Variants in HPRT1 observed in about 807,000 individuals in gnomAD.
HPRT1 encodes hypoxanthine phosphoribosyltransferase 1, also known as hypoxanthine-guanine phosphoribosyltransferase.
HPRT1 carries 4 observed loss-of-function variants against 19.0 expected under a neutral mutation model. That is an observed-to-expected ratio of 0.21 (90% CI 0.10 to 0.48). The LOEUF is 0.48. Ranked by LOEUF, HPRT1 falls within the 20% of genes least tolerant of loss-of-function variation. The pLI is 0.98. For missense variants in HPRT1, 65 were observed against 164.0 expected, an observed-to-expected ratio of 0.40 and a Z score of 3.30; for synonymous variants, 53 against 54.9, an observed-to-expected ratio of 0.97 and a Z score of 0.15.
At chrX:134,493,632 A>G (rs1000513891) in intron 6 of HPRT1, 42 bp downstream of exon 6, 1 of 844,271 alleles carries the variant, frequency 1.2e-6, no homozygotes, top group Non-Finnish European at 1.8e-6. Flanking sequence ...CCTCATTTGA[A>G]GGGGGATTAA....
intron 1 of HPRT1, among the ~76,000 whole-genome samples, chrX:134,460,869 C>A (rs766730576): frequency 7.2e-5 from 8 of 111,100 alleles, no homozygotes; most frequent in Admixed American, 6.7e-4. Context: ...CTCATGGCCT[C>A]ATTGAAGCCC....
Position 134,486,444 on chromosome X carries a change from GTTT to G in HPRT1, c.319-9_319-7del. 1.5e-5 allele frequency: 11 copies of G among 719,567 alleles called. No homozygotes were observed. The highest frequency in any genetic ancestry group is 2.9e-5 in the South Asian group (1 of 34,568). The allele number at this position is 719,567 out of a possible 1,213,427, so 59.3% of individuals were successfully genotyped here. ...GTGTGTGTAGATATATATATATATA[GTTT>G]TTTTTTTTTTTAACTAGAATGACCA... On this transcript the variant is annotated intron_variant, in intron 3 of 8. Coordinates refer to ENST00000298556, the MANE Select transcript of HPRT1 (RefSeq NM_000194.3).
intron 1 of HPRT1, among the ~76,000 whole-genome samples, chrX:134,473,077 A>G (rs2077614752): frequency 9.2e-6 from 1 of 108,422 alleles, no homozygotes; most frequent in African/African-American, 3.4e-5. Flanking sequence ...TTTAGTAGAG[A>G]CGGGATTTCA....
chrX:134,500,334 A>T lies in HPRT1; in HGVS notation c.*257A>T. The stretch of plus-strand genomic sequence containing the variant: ...CTTGTAAATGAAAAAATTCTCTTAA[A>T]CCACAGCACTATTGAGTGAAACATT... On this transcript the variant is annotated 3_prime_UTR_variant, in exon 9 of 9. Coordinates refer to ENST00000298556, the MANE Select transcript of HPRT1 (RefSeq NM_000194.3). 2.9e-6 allele frequency: 1 copy of T among 346,100 alleles called. No individual in the cohort carries two copies. Among genetic ancestry groups the T allele is most frequent in the Non-Finnish European group, 5.0e-6 (1 of 199,462 alleles). The allele number at this position is 346,100 out of a possible 1,213,427, so 28.5% of individuals were successfully genotyped here.
intron 1 of HPRT1, 189 bp downstream of exon 1, chrX:134,460,527 G>A: frequency 3.7e-6 from 1 of 271,148 alleles, no homozygotes; most frequent in East Asian, 6.1e-5. Context: ...CGGAATGGCG[G>A]GGTTTGGGGT....
intron 1 of HPRT1, among the ~76,000 whole-genome samples, chrX:134,472,659 TG>T (rs1440417165): frequency 9.0e-6 from 1 of 111,005 alleles, no homozygotes; most frequent in Non-Finnish European, 1.9e-5. Flanking sequence ...CTCTGCCTTC[TG>T]GGTACAAGCG....
At chrX:134,475,773 G>A (rs1455138730) in intron 3 of HPRT1, among the ~76,000 whole-genome samples, 1 of 110,678 alleles carries the variant, frequency 9.0e-6, no homozygotes, top group Non-Finnish European at 1.9e-5. Flanking sequence ...GAGTATTGGC[G>A]AATTGAAGAA....
chrX:134,476,992 AT>A (rs764663605), intron 3 of HPRT1, among the ~76,000 whole-genome samples: 5 of 107,610 alleles, frequency 4.6e-5, no homozygotes, highest in Non-Finnish European at 9.6e-5. Context: ...TAGATATACT[AT>A]TTTTTTGGTA....
At position 134,477,067 on chromosome X, in the gene HPRT1, AT is replaced by A. The variant is rs1250397909; in HGVS notation, c.318+1714del. Among the ~76,000 whole-genome samples the A allele has an allele frequency of 2.7e-4, 23 of 84,231 alleles. 1 individual carries two copies. The South Asian group carries it at 6.9e-3, about 25-fold the overall frequency. The allele number at this position is 84,231 out of a possible 115,157, so 73.1% of individuals were successfully genotyped here. A position where few individuals can be genotyped will look rare whatever the true frequency, so the allele number is the denominator to read the frequency against. On this transcript the variant is annotated intron_variant, in intron 3 of 8. Transcript: ENST00000298556. ...TTATTTTATTTTATTTTATTTATTT[AT>A]TTTTTTTTTTGAGACAGAGTCTCAC...
intron 8 of HPRT1, among the ~76,000 whole-genome samples, chrX:134,499,621 G>A (rs1300277735): frequency 1.8e-5 from 2 of 110,902 alleles, no homozygotes; most frequent in Admixed American, 1.9e-4. Context: ...TGGCTAACAC[G>A]GTGAAACCCC....
At chrX:134,472,536 A>G (rs1002000896) in intron 1 of HPRT1, among the ~76,000 whole-genome samples, 1 of 111,925 alleles carries the variant, frequency 8.9e-6, no homozygotes, top group African/African-American at 3.2e-5. Flanking sequence ...GACTAAGATG[A>G]CTAAGACATA....
At chrX:134,460,990 A>C (rs1309887379) in intron 1 of HPRT1, among the ~76,000 whole-genome samples, 1 of 111,219 alleles carries the variant, frequency 9.0e-6, no homozygotes, top group Non-Finnish European at 1.9e-5. Context: ...TCCAGATTCC[A>C]TGCTGACCGA....
At chrX:134,467,204 C>T (rs2077599323) in intron 1 of HPRT1, among the ~76,000 whole-genome samples, 1 of 110,160 alleles carries the variant, frequency 9.1e-6, no homozygotes, top group African/African-American at 3.3e-5. Flanking sequence ...GCACGTGCCA[C>T]CACACCCGGC....
chrX:134,464,499 T>C (rs1282834578), intron 1 of HPRT1, among the ~76,000 whole-genome samples: 1 of 112,205 alleles, frequency 8.9e-6, no homozygotes, highest in Non-Finnish European at 1.9e-5. Flanking sequence ...GAAATATTAC[T>C]CATTACTAGG....
At chrX:134,478,230 A>G (rs889106605) in intron 3 of HPRT1, among the ~76,000 whole-genome samples, 4 of 112,186 alleles carry the variant, frequency 3.6e-5, no homozygotes, top group African/African-American at 1.3e-4. Flanking sequence ...AAATGTTTCC[A>G]GAATATATAA....
rs763109190 is a variant in HPRT1 at position 134,481,483 on chromosome X, GTCTCTA to G, written c.319-4972_319-4967del. Among the ~76,000 whole-genome samples, 9 of 105,356 alleles carry G rather than the reference GTCTCTA, an allele frequency of 8.5e-5. No homozygotes were observed. In the South Asian group the frequency reaches 3.9e-3, roughly 45 times the overall value. The allele number at this position is 105,356 out of a possible 115,157, so 91.5% of individuals were successfully genotyped here. On this transcript the variant is annotated intron_variant, in intron 3 of 8. Transcript: ENST00000298556. ...TATTTCCATCTCTGTCTCCATCTTTGTCTCTATCTCTATCTGTCTATCTCTATCTAT... is the reference window on the plus strand; with the variant it reads ...TATTTCCATCTCTGTCTCCATCTTTGTCTCTATCTGTCTATCTCTATCTAT...
chrX:134,469,332 A>G (rs2077605176), intron 1 of HPRT1, among the ~76,000 whole-genome samples: 1 of 111,498 alleles, frequency 9.0e-6, no homozygotes, highest in African/African-American at 3.3e-5. Flanking sequence ...CAAATTTTTT[A>G]TGCTTAAAGT....
At chrX:134,474,174 T>C (rs1413413853) in intron 2 of HPRT1, among the ~76,000 whole-genome samples, 9 of 112,120 alleles carry the variant, frequency 8.0e-5, no homozygotes, top group East Asian at 2.8e-4. Context: ...TTCTGTCTTA[T>C]GGAGATACCA....
intron 3 of HPRT1, among the ~76,000 whole-genome samples, chrX:134,484,344 A>G (rs1168395069): frequency 1.8e-5 from 2 of 110,921 alleles, no homozygotes; most frequent in Non-Finnish European, 3.8e-5. Flanking sequence ...TTCCCCATCA[A>G]TTCTGTATGT....
Sources: gnomAD v4.1 joint callset for allele counts (sites outside exome capture counted in the v4.1 genomes callset) on GRCh38, gnomAD v4.1.1 for gene constraint, MANE v1.5 for transcripts, NCBI Gene and HGNC (gene_info 2026-07-23, HGNC 2026-07-21) for gene names.